Variants in FANCC observed in about 807,000 individuals in gnomAD.
The protein encoded by FANCC is Fanconi anemia group C protein.
A neutral mutation model predicts 71.3 loss-of-function variants in FANCC; 55 were observed. That is an observed-to-expected ratio of 0.77 (90% CI 0.62 to 0.97). The LOEUF is 0.97. Among genes scored for constraint, FANCC ranks in the 50% least tolerant of loss-of-function variants. The pLI is 0.00. For missense variants in FANCC, 678 were observed against 670.9 expected (o/e 1.01, Z -0.12); for synonymous variants, 275 against 244.9 (o/e 1.12, Z -1.15).
At chr9:95,149,773 C>G (rs1397899332) in intron 7 of FANCC, 150 bp downstream of exon 7, 1 of 935,478 alleles carries the variant, frequency 1.1e-6, no homozygotes, top group Non-Finnish European at 1.7e-6. Flanking sequence ...GCCACCACAC[C>G]TGGCCGGGAT....
intron 14 of FANCC, among the ~76,000 whole-genome samples, chr9:95,102,488 T>G (rs1199353456): frequency 6.6e-6 from 1 of 152,216 alleles, no homozygotes; most frequent in Admixed American, 6.5e-5. Flanking sequence ...TTTAGCTGTG[T>G]GGGGAATTTA....
intron 1 of FANCC, among the ~76,000 whole-genome samples, chr9:95,288,219 T>C (rs534961475): frequency 2.0e-5 from 3 of 152,356 alleles, no homozygotes; most frequent in South Asian, 2.1e-4. Context: ...TAATAATTTG[T>C]AAAGCAGGAT....
chr9:95,312,769 G>A (rs1835487084), intron 1 of FANCC, among the ~76,000 whole-genome samples: 1 of 152,208 alleles, frequency 6.6e-6, no homozygotes, highest in South Asian at 2.1e-4. Context: ...CTGCCCCTAG[G>A]GCTGAGGTGG....
chr9:95,179,666 G>A (rs910338090), intron 4 of FANCC, among the ~76,000 whole-genome samples: 1 of 152,126 alleles, frequency 6.6e-6, no homozygotes, highest in African/African-American at 2.4e-5. Flanking sequence ...TTCTTAAGAG[G>A]ATAAAAAGTT....
intron 3 of FANCC, among the ~76,000 whole-genome samples, chr9:95,241,034 G>A (rs1830599321): frequency 6.6e-6 from 1 of 152,114 alleles, no homozygotes; most frequent in South Asian, 2.1e-4. Context: ...ACTCTTGTGT[G>A]GTCAATTTCC....
At chr9:95,237,918 TA>T (rs1830415503) in intron 4 of FANCC, among the ~76,000 whole-genome samples, 1 of 152,244 alleles carries the variant, frequency 6.6e-6, no homozygotes. Context: ...TTAGGTGAAA[TA>T]TCTTCTTAAA....
chr9:95,316,700 C>T (rs1024317144), intron 1 of FANCC: 2 of 152,172 alleles, frequency 1.3e-5, no homozygotes, highest in African/African-American at 4.8e-5. Flanking sequence ...ATTCTGGTAC[C>T]CAATTTCCCA....
chr9:95,107,317 G>A (rs767408087), intron 13 of FANCC, 48 bp from the exon 14 acceptor site: 1 of 1,571,532 alleles, frequency 6.4e-7, no homozygotes, highest in South Asian at 1.1e-5. Flanking sequence ...AGGCAGGACA[G>A]ACATACTTCT....
At chr9:95,304,524 C>G (rs988291191) in intron 1 of FANCC, among the ~76,000 whole-genome samples, 12 of 151,072 alleles carry the variant, frequency 7.9e-5, no homozygotes, top group African/African-American at 2.9e-4. Context: ...GGGAGGAGAT[C>G]ATTTGAGCCC....
intron 10 of FANCC, among the ~76,000 whole-genome samples, chr9:95,124,360 G>A (rs1331478637): frequency 6.6e-6 from 1 of 152,290 alleles, no homozygotes; most frequent in Non-Finnish European, 1.5e-5. Context: ...AAATATATAT[G>A]CTGAAAGGTG....
rs1398566313 is a variant in FANCC, at chr9:95,107,374, A to T, written c.1330-105T>A. 7.1e-6 allele frequency: 9 copies of T among 1,260,864 alleles called. No homozygotes were observed. The African/African-American group carries it at 8.9e-5, about 12-fold the overall frequency. 78.1% of individuals were successfully genotyped at this position (1,260,864 alleles called of 1,614,324 possible). ...AAACAACCCCCAGAAACGGGTAAGCACTGGCCCCTGAGAGAGGGAGCTAGG... is the reference window on the plus strand; with the variant it reads ...AAACAACCCCCAGAAACGGGTAAGCTCTGGCCCCTGAGAGAGGGAGCTAGG... On this transcript the variant is annotated intron_variant, in intron 13 of 14. Transcript: ENST00000289081.
chr9:95,241,547 G>A (rs950815418), intron 3 of FANCC, among the ~76,000 whole-genome samples: 2 of 152,146 alleles, frequency 1.3e-5, no homozygotes, highest in South Asian at 2.1e-4. Context: ...GTCAGTACCC[G>A]AGCTAGGGCA....
At chr9:95,245,662 C>T (rs1186351791) in intron 3 of FANCC, among the ~76,000 whole-genome samples, 3 of 151,736 alleles carry the variant, frequency 2.0e-5, no homozygotes, top group Admixed American at 6.6e-5. Flanking sequence ...TTTGGGAGGT[C>T]GAGGCGGGTG....
chr9:95,129,932 T>G (rs770321428), intron 8 of FANCC, among the ~76,000 whole-genome samples: 1 of 152,186 alleles, frequency 6.6e-6, no homozygotes, highest in Non-Finnish European at 1.5e-5. Flanking sequence ...TCTCCCCTCA[T>G]GGCTACCCAG....
At chr9:95,216,493 G>A (rs1043262880) in intron 4 of FANCC, among the ~76,000 whole-genome samples, 2 of 152,162 alleles carry the variant, frequency 1.3e-5, no homozygotes, top group African/African-American at 2.4e-5. Flanking sequence ...TTCTCCATGG[G>A]TCTGCTGCAT....
At chr9:95,286,779 G>A (rs1157360083) in intron 1 of FANCC, among the ~76,000 whole-genome samples, 1 of 152,184 alleles carries the variant, frequency 6.6e-6, no homozygotes, top group East Asian at 1.9e-4. Context: ...CCTGGCACGT[G>A]CAAAGGCTCA....
chr9:95,207,633 T>C (rs1828215530), intron 4 of FANCC, among the ~76,000 whole-genome samples: 1 of 152,134 alleles, frequency 6.6e-6, no homozygotes, highest in Non-Finnish European at 1.5e-5. Flanking sequence ...GTGGCTCCAC[T>C]ACTCTGACTG....
chr9:95,265,446 G>A (rs116199831), intron 1 of FANCC, among the ~76,000 whole-genome samples: 1,594 of 152,242 alleles, frequency 0.01, 28 homozygotes, highest in African/African-American at 0.037. Flanking sequence ...GCTTGCCATC[G>A]AGGCTGCTAA....
chr9:95,280,582 A>G (rs933723905), intron 1 of FANCC, among the ~76,000 whole-genome samples: 2 of 152,224 alleles, frequency 1.3e-5, no homozygotes, highest in Admixed American at 6.5e-5. Flanking sequence ...TCTGATGACA[A>G]AAAAAGCAAT....
Sources: gnomAD v4.1 joint callset for allele counts (sites outside exome capture counted in the v4.1 genomes callset) on GRCh38, gnomAD v4.1.1 for gene constraint, MANE v1.5 for transcripts, NCBI Gene and HGNC (gene_info 2026-07-23, HGNC 2026-07-21) for gene names.